TMEM131: variants seen among roughly 807,000 people sequenced by gnomAD.
TMEM131 encodes the protein 2610524E03Rik.
A neutral mutation model predicts 211.6 loss-of-function variants in TMEM131; 66 were observed. The observed-to-expected ratio is 0.31, with a 90% CI of 0.26 to 0.38. The LOEUF (loss-of-function observed/expected upper bound fraction) is 0.38, where lower values mean the gene tolerates loss of function less well. Among genes scored for constraint, TMEM131 ranks in the 10% least tolerant of loss-of-function variants. The pLI is 1.00. For synonymous variants in TMEM131, 844 were observed against 841.3 expected (o/e 1.00, Z -0.06); for missense variants, 2,036 against 2,299.3 (o/e 0.89, Z 2.34).
intron 2 of TMEM131, among the ~76,000 whole-genome samples, chr2:97,916,974 T>A (rs1231926113): frequency 1.3e-5 from 2 of 152,246 alleles, no homozygotes; most frequent in Non-Finnish European, 2.9e-5. Flanking sequence ...TATATTTCTT[T>A]TATAATAGAA....
chr2:97,956,839 C>G (rs1299641692), intron 1 of TMEM131, among the ~76,000 whole-genome samples: 2 of 152,060 alleles, frequency 1.3e-5, no homozygotes, highest in Admixed American at 1.3e-4. Context: ...TGGCTCACGG[C>G]TGTAATCCCA....
intron 11 of TMEM131, among the ~76,000 whole-genome samples, chr2:97,822,086 T>C (rs1682151227): frequency 6.6e-6 from 1 of 152,184 alleles, no homozygotes; most frequent in African/African-American, 2.4e-5. Flanking sequence ...ACAAACTTCC[T>C]CTTGCCTCTC....
intron 1 of TMEM131, among the ~76,000 whole-genome samples, chr2:97,959,210 C>G (rs1436194539): frequency 1.3e-5 from 2 of 152,048 alleles, no homozygotes; most frequent in Non-Finnish European, 2.9e-5. Flanking sequence ...AGTAAAGAAA[C>G]GTGGGGGGAG....
intron 5 of TMEM131, among the ~76,000 whole-genome samples, chr2:97,850,448 C>T (rs1226898392): frequency 6.6e-6 from 1 of 152,090 alleles, no homozygotes; most frequent in Non-Finnish European, 1.5e-5. Context: ...CTCAAGCAGA[C>T]AATTTAATGT....
intron 12 of TMEM131, among the ~76,000 whole-genome samples, chr2:97,816,345 A>G (rs930547327): frequency 4.6e-5 from 7 of 152,334 alleles, no homozygotes; most frequent in Admixed American, 3.9e-4. Context: ...TGACCCAAAA[A>G]AACAAAAATT....
In TMEM131 at chr2:97,814,106, A is replaced by G. The variant is rs761176498; in HGVS notation, c.1482T>C (p.Pro494=). Residue 494 remains proline (P), a synonymous_variant, in exon 15 of 41, where the codon CCT becomes CCC. Transcript: ENST00000186436. ...HNFSKPVLIL[P]NESGYIFTLL... is the part of the protein sequence containing the mutation. ...GGGTAAAAATGTATCCTGATTCATT[A>G]GGAAGAATTAAGACTGGTTTGCTGA... 6.2e-7 allele frequency: 1 copy of G among 1,609,550 alleles called. No homozygotes were observed. The highest frequency in any genetic ancestry group is 8.5e-7 in the Non-Finnish European group (1 of 1,177,366).
At chr2:97,814,517 T>C in intron 13 of TMEM131, 129 bp from the exon 14 acceptor site, 1 of 947,048 alleles carries the variant, frequency 1.1e-6, no homozygotes, top group Non-Finnish European at 1.5e-6. Flanking sequence ...GATTTAGAAC[T>C]ATAATATTTT....
At chr2:97,832,262 G>C (rs1241277698) in intron 11 of TMEM131, among the ~76,000 whole-genome samples, 1 of 152,068 alleles carries the variant, frequency 6.6e-6, no homozygotes, top group Non-Finnish European at 1.5e-5. Context: ...CACATTCTTA[G>C]GGTTAATTGC....
chr2:97,892,639 A>C (rs1285724902), intron 3 of TMEM131, among the ~76,000 whole-genome samples: 1 of 152,218 alleles, frequency 6.6e-6, no homozygotes, highest in East Asian at 1.9e-4. Context: ...TTAGAATTAT[A>C]GGCGTGAGCC....
chr2:97,847,083 GGGGGC>G (rs1683484127), intron 5 of TMEM131, among the ~76,000 whole-genome samples: 1 of 106,132 alleles, frequency 9.4e-6, no homozygotes, highest in Non-Finnish European at 2.2e-5. Flanking sequence ...GGGGGGGGGG[GGGGGC>G]CGAGGCAGGA....
intron 1 of TMEM131, among the ~76,000 whole-genome samples, chr2:97,947,556 G>T (rs1678101294): frequency 6.6e-6 from 1 of 151,934 alleles, no homozygotes; most frequent in South Asian, 2.1e-4. Flanking sequence ...AGAAATTAAA[G>T]AACACCTAAA....
At chr2:97,810,120 A>G (rs577704199) in intron 18 of TMEM131, among the ~76,000 whole-genome samples, 1 of 152,336 alleles carries the variant, frequency 6.6e-6, no homozygotes, top group South Asian at 2.1e-4. Context: ...TTTAAAAAAG[A>G]AAGTCAAACT....
At chr2:97,873,818 C>T (rs1205625762) in intron 4 of TMEM131, among the ~76,000 whole-genome samples, 3 of 152,274 alleles carry the variant, frequency 2.0e-5, no homozygotes, top group African/African-American at 7.2e-5. Context: ...CTCTTCTCCT[C>T]CAAAGATCAC....
At chr2:97,933,086 G>A (rs966871959) in intron 1 of TMEM131, among the ~76,000 whole-genome samples, 1 of 152,130 alleles carries the variant, frequency 6.6e-6, no homozygotes, top group African/African-American at 2.4e-5. Flanking sequence ...TATACCTTAG[G>A]TATGTAGTAG....
intron 3 of TMEM131, among the ~76,000 whole-genome samples, chr2:97,900,745 T>C (rs1236852139): frequency 6.6e-6 from 1 of 152,200 alleles, no homozygotes; most frequent in Non-Finnish European, 1.5e-5. Flanking sequence ...ATGAATTTGC[T>C]GGATCACATA....
intron 4 of TMEM131, among the ~76,000 whole-genome samples, chr2:97,885,616 CCTGT>C (rs1675123188): frequency 6.6e-6 from 1 of 152,042 alleles, no homozygotes; most frequent in African/African-American, 2.4e-5. Context: ...TCTTTCCTGG[CCTGT>C]AAGTTTTCTG....
intron 25 of TMEM131, among the ~76,000 whole-genome samples, chr2:97,801,274 C>T (rs1195901415): frequency 6.6e-6 from 1 of 152,220 alleles, no homozygotes; most frequent in Non-Finnish European, 1.5e-5. Flanking sequence ...TTGCAGGGAG[C>T]CTTAGCTCCA....
chr2:97,924,043 G>A (rs1676869141), intron 2 of TMEM131, among the ~76,000 whole-genome samples: 1 of 151,974 alleles, frequency 6.6e-6, no homozygotes, highest in Admixed American at 6.6e-5. Context: ...CTGCGCCACC[G>A]CGCTCCAGCC....
intron 12 of TMEM131, among the ~76,000 whole-genome samples, chr2:97,816,702 C>T (rs932729565): frequency 2.0e-5 from 3 of 152,078 alleles, no homozygotes; most frequent in East Asian, 1.9e-4. Flanking sequence ...TTTGTTCTGA[C>T]GTAAGACTGA....
Sources: gnomAD v4.1 joint callset for allele counts (sites outside exome capture counted in the v4.1 genomes callset) on GRCh38, gnomAD v4.1.1 for gene constraint, MANE v1.5 for transcripts, NCBI Gene and HGNC (gene_info 2026-07-23, HGNC 2026-07-21) for gene names.